KIDINS220: variants seen among roughly 807,000 people sequenced by gnomAD.
KIDINS220 encodes kinase D-interacting substrate of 220 kDa.
In KIDINS220, 63 loss-of-function variants were observed where a neutral mutation model predicts 157.6. The ratio of observed to expected loss-of-function variants is 0.40; its 90% CI spans 0.33 to 0.49. KIDINS220 has a LOEUF of 0.49. Among genes scored for constraint, KIDINS220 ranks in the 20% least tolerant of loss-of-function variants. The probability of loss-of-function intolerance (pLI) is 0.66; values close to 1 mark genes in which losing one functional copy is unlikely to be tolerated. For synonymous variants in KIDINS220, 732 were observed against 783.6 expected (o/e 0.93, Z 1.10); for missense variants, 1,772 against 2,171.2 (o/e 0.82, Z 3.65).
chr2:8,753,515 G>A (rs1044929389), intron 22 of KIDINS220, among the ~76,000 whole-genome samples: 3 of 152,104 alleles, frequency 2.0e-5, no homozygotes, highest in Non-Finnish European at 4.4e-5. Flanking sequence ...TATCAAACTC[G>A]TGAGATTGGT....
Position 8,791,052 on chromosome 2 carries a change from C to A in KIDINS220, c.1441+8G>T, listed in dbSNP as rs777484980. The stretch of plus-strand genomic sequence containing the variant: ...TATATACAGACTTTGTACAAGCAAG[C>A]CCTTTACCTTCTAGTTTCTTGAGTA... On this transcript the variant is annotated splice_region_variant and intron_variant, in intron 13 of 29. Coordinates refer to ENST00000256707, the MANE Select transcript of KIDINS220 (RefSeq NM_020738.4). 1.2e-6 allele frequency: 2 copies of A among 1,611,190 alleles called. No individual in the cohort carries two copies. Among genetic ancestry groups the A allele is most frequent in the South Asian group, 1.1e-5 (1 of 90,498 alleles).
intron 22 of KIDINS220, among the ~76,000 whole-genome samples, chr2:8,764,556 C>T (rs1039989284): frequency 2.6e-5 from 4 of 152,130 alleles, no homozygotes; most frequent in African/African-American, 4.8e-5. Context: ...AGGCAGAAGC[C>T]GCCAAGTGTT....
chr2:8,832,590 T>C (rs1052427300), intron 1 of KIDINS220, among the ~76,000 whole-genome samples: 2 of 152,210 alleles, frequency 1.3e-5, no homozygotes, highest in Admixed American at 6.5e-5. Flanking sequence ...TATCTTACCA[T>C]GTAGGACTAA....
chr2:8,802,819 ATTTTAAAACAAGT>A (rs1367494812), intron 8 of KIDINS220, 98 bp downstream of exon 8: 12 of 789,770 alleles, frequency 1.5e-5, no homozygotes, highest in South Asian at 7.6e-5. Flanking sequence ...AAATAAACTT[ATTTTAAAACAAGT>A]TTATGTCATG....
At chr2:8,740,092 C>A in intron 26 of KIDINS220, 1 of 748,216 alleles carries the variant, frequency 1.3e-6, no homozygotes, top group South Asian at 6.0e-5. Flanking sequence ...CATGAAGTTG[C>A]CAATGATTGC....
downstream of KIDINS220, chr2:8,727,240 T>C: frequency 9.1e-7 from 1 of 1,098,224 alleles, no homozygotes; most frequent in Non-Finnish European, 1.1e-6. Flanking sequence ...CACTGGTTTC[T>C]TCCCTTCCGC....
At chr2:8,760,364 CAA>C (rs1668592891) in intron 22 of KIDINS220, among the ~76,000 whole-genome samples, 2 of 152,310 alleles carry the variant, frequency 1.3e-5, no homozygotes, top group South Asian at 2.1e-4. Flanking sequence ...GAAGCCTGAG[CAA>C]AGACTGTAAA....
Position 8,826,925 on chromosome 2 carries a change from T to C in KIDINS220, c.108+61A>G, listed in dbSNP as rs1008067963. 3.9e-5 allele frequency: 35 copies of C among 890,604 alleles called. No individual in the cohort carries two copies. The African/African-American group carries it at 4.9e-4, about 12-fold the overall frequency. 55.2% of individuals were successfully genotyped at this position (890,604 alleles called of 1,614,324 possible). The stretch of plus-strand genomic sequence containing the variant: ...CTATTTCTTACACACTTCTATCCTA[T>C]ACATAGCAGGCAGTCAACAAATATT... On this transcript the variant is annotated intron_variant, in intron 2 of 29. Transcript: ENST00000256707.
At chr2:8,750,531 T>C (rs1200700430) in intron 23 of KIDINS220, among the ~76,000 whole-genome samples, 196 bp from the exon 24 acceptor site, 1 of 152,138 alleles carries the variant, frequency 6.6e-6, no homozygotes, top group Non-Finnish European at 1.5e-5. Flanking sequence ...CCCAGCTACT[T>C]TGCAAAAAAG....
intron 7 of KIDINS220, among the ~76,000 whole-genome samples, chr2:8,804,792 C>G (rs1038104286): frequency 1.3e-5 from 2 of 152,160 alleles, no homozygotes; most frequent in Admixed American, 1.3e-4. Context: ...CTTCTATGAC[C>G]AGATGTGTGG....
At chr2:8,723,701 G>T (rs899237334), downstream of KIDINS220, 1 of 152,190 alleles carries the variant, frequency 6.6e-6, no homozygotes, top group Non-Finnish European at 1.5e-5. Context: ...GCTACAGATA[G>T]GGTAAATCCA....
intron 4 of KIDINS220, 143 bp downstream of exon 4, chr2:8,817,475 T>C (rs1037781318): frequency 6.5e-6 from 3 of 464,724 alleles, no homozygotes; most frequent in African/African-American, 4.0e-5. Context: ...TAAAACATTC[T>C]TGAGGGTCAT....
chr2:8,813,771 A>C (rs1374050307), intron 4 of KIDINS220, among the ~76,000 whole-genome samples: 2 of 152,106 alleles, frequency 1.3e-5, no homozygotes, highest in Admixed American at 6.6e-5. Flanking sequence ...AAAGAATACA[A>C]AAATTAGCCA....
rs751971734 is a variant in KIDINS220, at chr2:8,800,419, T to C, written c.881A>G (p.Asp294Gly). 6.2e-7 allele frequency: 1 copy of C among 1,612,756 alleles called. No individual in the cohort carries two copies. The highest frequency in any genetic ancestry group is 8.5e-7 in the Non-Finnish European group (1 of 1,179,226). ...ACATACCTGTCCTCTAATGTCTATATCAGCATATTTTTGGAGAAGCGCTCG... is the reference window on the plus strand; with the variant it reads ...ACATACCTGTCCTCTAATGTCTATACCAGCATATTTTTGGAGAAGCGCTCG... ...IVRALLQKYADIDIRGQDNKT... is the reference protein window; with the variant it reads ...IVRALLQKYAGIDIRGQDNKT... The change falls in exon 9 of 30, where the codon GAT becomes GGT. Residue 294 changes from aspartate to glycine, a missense_variant. Coordinates refer to ENST00000256707, the MANE Select transcript of KIDINS220 (RefSeq NM_020738.4).
chr2:8,810,249 A>G (rs1055823479), intron 6 of KIDINS220, among the ~76,000 whole-genome samples: 16 of 152,128 alleles, frequency 1.1e-4, no homozygotes, highest in Admixed American at 7.9e-4. Context: ...TGCATTTTAC[A>G]TGGCCCACTT....
intron 20 of KIDINS220, among the ~76,000 whole-genome samples, chr2:8,778,128 G>A (rs1246537893): frequency 6.6e-6 from 1 of 152,178 alleles, no homozygotes; most frequent in Non-Finnish European, 1.5e-5. Flanking sequence ...ATACAAATAA[G>A]ATGGGGAGGT....
intron 2 of KIDINS220, among the ~76,000 whole-genome samples, chr2:8,820,671 G>C (rs1293562758): frequency 6.6e-6 from 1 of 152,090 alleles, no homozygotes; most frequent in African/African-American, 2.4e-5. Flanking sequence ...CACATAAATA[G>C]ATTTTCTCGG....
intron 15 of KIDINS220, 55 bp from the exon 16 acceptor site, chr2:8,786,412 T>A: frequency 7.4e-7 from 1 of 1,345,128 alleles, no homozygotes; most frequent in African/African-American, 1.4e-5. Context: ...AACAAATAAC[T>A]TCAATGTATG....
At chr2:8,792,524 G>A (rs1359571563) in intron 12 of KIDINS220, among the ~76,000 whole-genome samples, 1 of 152,186 alleles carries the variant, frequency 6.6e-6, no homozygotes, top group African/African-American at 2.4e-5. Context: ...AATAGCCTAT[G>A]AATATATTAC....
Sources: allele counts gnomAD v4.1 joint callset (sites outside exome capture counted in the v4.1 genomes callset), GRCh38; gene constraint gnomAD v4.1.1; transcripts MANE v1.5; gene names NCBI Gene and HGNC (gene_info 2026-07-23, HGNC 2026-07-21).